Variants in RELN observed in about 807,000 individuals in gnomAD.
RELN encodes reelin.
Under a neutral mutation model 427.6 loss-of-function variants are expected in RELN, and 108 were observed. The ratio of observed to expected loss-of-function variants is 0.25; its 90% CI spans 0.22 to 0.30. The LOEUF (loss-of-function observed/expected upper bound fraction) is 0.30. RELN is among the 10% of genes least tolerant of loss of function. RELN has a pLI of 1.00. For missense variants in RELN, 3,715 were observed against 4,302.8 expected, an observed-to-expected ratio of 0.86 and a Z score of 3.82; for synonymous variants, 1,524 against 1,513.4, an observed-to-expected ratio of 1.01 and a Z score of -0.16.
chr7:103,599,935 C>T (rs1188398053), intron 24 of RELN, among the ~76,000 whole-genome samples: 4 of 152,154 alleles, frequency 2.6e-5, no homozygotes, highest in East Asian at 1.9e-4. Flanking sequence ...CGTCCTCTGT[C>T]GCCCAGGCTG....
chr7:103,611,383 T>C (rs1038749821), intron 21 of RELN, among the ~76,000 whole-genome samples: 11 of 152,196 alleles, frequency 7.2e-5, no homozygotes, highest in African/African-American at 2.7e-4. Context: ...TGGAAGTTAT[T>C]TTCATTTCTT....
chr7:103,495,208 C>T (rs115427151), intron 57 of RELN, among the ~76,000 whole-genome samples: 4 of 134,766 alleles, frequency 3.0e-5, no homozygotes, highest in African/African-American at 5.5e-5. Context: ...GACAGAATCT[C>T]GTTCTGTCGC....
rs111376581 is a variant in RELN, at chr7:103,517,274, T to C, written c.7863-1833A>G. Reference sequence around the variant, plus strand: ...ATACTATCCGAAATCTGTCAGTTTCTGGGGGACACACAATCGCACTTCTTC... The same window carrying C: ...ATACTATCCGAAATCTGTCAGTTTCCGGGGGACACACAATCGCACTTCTTC... On this transcript the variant is annotated intron_variant, in intron 49 of 64. Transcript: ENST00000428762. 6.7e-3 allele frequency among the ~76,000 whole-genome samples: 792 copies of C among 118,790 alleles called. 8 individuals carry two copies. The highest frequency in any genetic ancestry group is 0.037 in the African/African-American group (752 of 20,142). The allele number at this position is 118,790 out of a possible 152,430, so 77.9% of individuals were successfully genotyped here. A position where few individuals can be genotyped will look rare whatever the true frequency, so the allele number is the denominator to read the frequency against.
chr7:103,821,613 A>ACTTTGCACTTTGCACTTTGCACTTT (rs1793017042), intron 3 of RELN, among the ~76,000 whole-genome samples: 2 of 152,150 alleles, frequency 1.3e-5, no homozygotes, highest in African/African-American at 2.4e-5. Context: ...CTTTGCACTT[A>ACTTTGCACTTTGCACTTTGCACTTT]GCAAATAAGG....
chr7:103,610,418 T>C (rs1407785946), intron 22 of RELN, among the ~76,000 whole-genome samples: 1 of 152,082 alleles, frequency 6.6e-6, no homozygotes, highest in Non-Finnish European at 1.5e-5. Context: ...AGTTCTCCCA[T>C]AAAAAGAAAA....
intron 1 of RELN, among the ~76,000 whole-genome samples, chr7:103,929,242 C>T (rs1255848926): frequency 6.6e-6 from 1 of 152,156 alleles, no homozygotes; most frequent in Non-Finnish European, 1.5e-5. Flanking sequence ...ATTTTTTCAG[C>T]ATAATGGCTG....
chr7:103,479,965 TA>T (rs1222467704), intron 63 of RELN, among the ~76,000 whole-genome samples: 1 of 152,172 alleles, frequency 6.6e-6, no homozygotes, highest in African/African-American at 2.4e-5. Context: ...AACCTTCACT[TA>T]AAAAAAGAAG....
chr7:103,643,002 G>A (rs1832724961), intron 16 of RELN, among the ~76,000 whole-genome samples: 1 of 151,932 alleles, frequency 6.6e-6, no homozygotes, highest in South Asian at 2.1e-4. Context: ...GGTCTTTGAG[G>A]GTGGGCTTTC....
intron 4 of RELN, among the ~76,000 whole-genome samples, chr7:103,768,455 A>AT (rs1022862260): frequency 2.6e-5 from 4 of 152,190 alleles, no homozygotes; most frequent in Non-Finnish European, 5.9e-5. Flanking sequence ...ATTTTCAAAA[A>AT]TTTGTAATAT....
chr7:103,521,417 C>T (rs1191045684), intron 48 of RELN, among the ~76,000 whole-genome samples: 1 of 152,198 alleles, frequency 6.6e-6, no homozygotes, highest in East Asian at 1.9e-4. Context: ...TTGCTGCTGT[C>T]ACTCACAAGA....
intron 2 of RELN, among the ~76,000 whole-genome samples, chr7:103,847,586 C>T (rs527773785): frequency 6.6e-6 from 1 of 152,032 alleles, no homozygotes; most frequent in Non-Finnish European, 1.5e-5. Context: ...GATATAATAT[C>T]ATGTAACTGA....
intron 20 of RELN, among the ~76,000 whole-genome samples, chr7:103,612,838 A>C (rs1024731659): frequency 2.6e-5 from 4 of 152,184 alleles, no homozygotes. Context: ...TTTTAAGAGA[A>C]AACTGCTCAG....
intron 3 of RELN, among the ~76,000 whole-genome samples, chr7:103,786,517 C>CAAAAAAAAAAAA (rs66567252): frequency 1.0e-5 from 1 of 98,590 alleles, no homozygotes. Flanking sequence ...AAAATGGAAC[C>CAAAAAAAAAAAA]AAAAAAAAAA....
chr7:103,801,689 C>A (rs1421017272), intron 3 of RELN, among the ~76,000 whole-genome samples: 2 of 151,688 alleles, frequency 1.3e-5, no homozygotes, highest in Non-Finnish European at 2.9e-5. Flanking sequence ...TGTAACGAGC[C>A]TGCACGTTGT....
chr7:103,959,894 CCACT>C (rs2116786801), intron 1 of RELN, among the ~76,000 whole-genome samples: 1 of 152,230 alleles, frequency 6.6e-6, no homozygotes, highest in African/African-American at 2.4e-5. Context: ...GCCACTGCAC[CCACT>C]GACGCCCCAA....
chr7:103,802,091 G>A (rs1792482354), intron 3 of RELN, among the ~76,000 whole-genome samples: 1 of 152,092 alleles, frequency 6.6e-6, no homozygotes, highest in African/African-American at 2.4e-5. Context: ...TACAAACCAG[G>A]TTTCCTCTTG....
At chr7:103,515,023 C>T (rs1318535361) in intron 50 of RELN, among the ~76,000 whole-genome samples, 162 bp downstream of exon 50, 2 of 152,072 alleles carry the variant, frequency 1.3e-5, no homozygotes, top group African/African-American at 4.8e-5. Flanking sequence ...GTTAAAATGC[C>T]AACTAGGAAG....
At position 103,749,482 on chromosome 7, in the gene RELN, A is replaced by G; in HGVS notation, c.600T>C (p.Ile200=). The G allele has an allele frequency of 2.5e-6, 4 of 1,612,706 alleles. No individual in the cohort carries two copies. Among genetic ancestry groups the G allele is most frequent in the Non-Finnish European group, 3.4e-6 (4 of 1,178,770 alleles). ...AGGAGTCAAAGTCATCTCTCAGGAT[A>G]ATGCTGTCACTATGTATTTCAGCTA... ...PHLAEIHSDS[I]ILRDDFDSYH... Residue 200 remains isoleucine, a synonymous_variant, in exon 6 of 65, where the codon ATT becomes ATC. Coordinates refer to ENST00000428762, the MANE Select transcript of RELN (RefSeq NM_005045.4).
intron 6 of RELN, among the ~76,000 whole-genome samples, chr7:103,740,628 T>G (rs375852923): frequency 8.5e-5 from 13 of 152,348 alleles, no homozygotes; most frequent in Admixed American, 1.3e-4. Flanking sequence ...TTTATGTACA[T>G]GTACAGTCAT....
Sources: allele counts gnomAD v4.1 joint callset (sites outside exome capture counted in the v4.1 genomes callset), GRCh38; gene constraint gnomAD v4.1.1; transcripts MANE v1.5; gene names NCBI Gene and HGNC (gene_info 2026-07-23, HGNC 2026-07-21).